UNC5D: variants seen among roughly 807,000 people sequenced by gnomAD.
UNC5D encodes netrin receptor UNC5D.
Under a neutral mutation model 105.4 loss-of-function variants are expected in UNC5D, and 39 were observed. The ratio of observed to expected loss-of-function variants is 0.37; its 90% CI spans 0.29 to 0.48. UNC5D has a LOEUF of 0.48. UNC5D is among the 20% of genes least tolerant of loss of function. The pLI is 0.98. For synonymous variants in UNC5D, 452 were observed against 450.4 expected, an observed-to-expected ratio of 1.00 and a Z score of -0.04; for missense variants, 991 against 1,202.4, an observed-to-expected ratio of 0.82 and a Z score of 2.60.
At chr8:35,723,266 C>T (rs1828679670) in intron 9 of UNC5D, among the ~76,000 whole-genome samples, 1 of 152,112 alleles carries the variant, frequency 6.6e-6, no homozygotes, top group African/African-American at 2.4e-5. Flanking sequence ...CACAGGCATG[C>T]TGGAAAAAAT....
chr8:35,673,748 T>C (rs969815348), intron 4 of UNC5D, among the ~76,000 whole-genome samples: 1 of 152,212 alleles, frequency 6.6e-6, no homozygotes, highest in Non-Finnish European at 1.5e-5. Context: ...ATCACATTGG[T>C]GTCCAATACA....
intron 1 of UNC5D, among the ~76,000 whole-genome samples, chr8:35,523,471 A>C (rs1813629039): frequency 6.6e-6 from 1 of 152,044 alleles, no homozygotes. Context: ...AATTTTCAAG[A>C]AATGGCAGAC....
chr8:35,507,820 T>A (rs1352689948), intron 1 of UNC5D, among the ~76,000 whole-genome samples: 1 of 152,200 alleles, frequency 6.6e-6, no homozygotes, highest in Non-Finnish European at 1.5e-5. Flanking sequence ...CCATTTTCTA[T>A]GATGTGATTA....
intron 4 of UNC5D, among the ~76,000 whole-genome samples, chr8:35,663,965 C>G (rs933645612): frequency 6.6e-6 from 1 of 152,126 alleles, no homozygotes; most frequent in African/African-American, 2.4e-5. Flanking sequence ...GTTGTAACCA[C>G]CAGCCAGATG....
chr8:35,297,515 G>T (rs1807583856), intron 1 of UNC5D, among the ~76,000 whole-genome samples: 1 of 152,100 alleles, frequency 6.6e-6, no homozygotes, highest in South Asian at 2.1e-4. Context: ...CCCCTTTGTA[G>T]GTTGGCTGAG....
At chr8:35,289,964 A>ATAAAAT (rs1806914177) in intron 1 of UNC5D, among the ~76,000 whole-genome samples, 1 of 152,128 alleles carries the variant, frequency 6.6e-6, no homozygotes, top group Admixed American at 6.5e-5. Flanking sequence ...AAAAATAAAA[A>ATAAAAT]TAAAAATAAA....
intron 1 of UNC5D, among the ~76,000 whole-genome samples, chr8:35,453,843 T>C (rs937834169): frequency 2.0e-5 from 3 of 152,142 alleles, no homozygotes; most frequent in Non-Finnish European, 4.4e-5. Flanking sequence ...TTCCTTTAGC[T>C]GGAGTATAAA....
intron 1 of UNC5D, among the ~76,000 whole-genome samples, chr8:35,534,270 G>C (rs931811594): frequency 1.6e-4 from 24 of 152,042 alleles, no homozygotes; most frequent in African/African-American, 5.6e-4. Context: ...AGCTTTCTCT[G>C]ACACTGTTGT....
chr8:35,597,236 G>A (rs540316859), intron 4 of UNC5D, among the ~76,000 whole-genome samples: 1 of 152,248 alleles, frequency 6.6e-6, no homozygotes, highest in East Asian at 1.9e-4. Flanking sequence ...GAAAATTAAA[G>A]TGAACACTCC....
intron 1 of UNC5D, among the ~76,000 whole-genome samples, chr8:35,411,458 G>C (rs1805161287): frequency 6.6e-6 from 1 of 151,918 alleles, no homozygotes; most frequent in South Asian, 2.1e-4. Flanking sequence ...ATTTTTTATG[G>C]GGCAGAGATT....
chr8:35,404,778 T>C lies in UNC5D; in HGVS notation c.104-144514T>C, dbSNP rs749373992. ...AATTTTTTTGTATTTTTAGTAGAGA[T>C]GGGATTTCACCACGTTGGCCAGGCT... is the stretch of plus-strand genomic sequence containing the variant. On this transcript the variant is annotated intron_variant, in intron 1 of 16. Transcript: ENST00000404895. Among the ~76,000 whole-genome samples the C allele has an allele frequency of 1.2e-4, 18 of 152,156 alleles. No individual in the cohort carries two copies. In the Middle Eastern group the frequency reaches 0.01, roughly 86 times the overall value.
chr8:35,660,234 A>T (rs1408546704), intron 4 of UNC5D, among the ~76,000 whole-genome samples: 1 of 152,240 alleles, frequency 6.6e-6, no homozygotes, highest in South Asian at 2.1e-4. Context: ...AAGGTGAAAC[A>T]TGAATCTAGA....
chr8:35,418,105 G>A (rs1324952680), intron 1 of UNC5D, among the ~76,000 whole-genome samples: 2 of 152,130 alleles, frequency 1.3e-5, no homozygotes, highest in Non-Finnish European at 2.9e-5. Context: ...TTTGAAAATA[G>A]AGATAGGGGA....
intron 2 of UNC5D, 147 bp from the exon 3 acceptor site, chr8:35,567,951 A>C (rs1817468507): frequency 8.0e-7 from 1 of 1,255,800 alleles, no homozygotes; most frequent in Admixed American, 2.3e-5. Context: ...ATTAGCAGTA[A>C]TATATTATTG....
intron 7 of UNC5D, among the ~76,000 whole-genome samples, chr8:35,700,680 T>C (rs186496051): frequency 1.8e-4 from 27 of 152,172 alleles, no homozygotes; most frequent in Non-Finnish European, 3.2e-4. Context: ...GAGTTGACGA[T>C]GGAGAGAGTT....
intron 8 of UNC5D, among the ~76,000 whole-genome samples, chr8:35,717,143 T>A (rs1449147575): frequency 6.6e-6 from 1 of 152,218 alleles, no homozygotes; most frequent in African/African-American, 2.4e-5. Flanking sequence ...ATGTTTGTTT[T>A]TCTGAAATGG....
At chr8:35,552,875 G>A (rs908434540) in intron 2 of UNC5D, among the ~76,000 whole-genome samples, 12 of 152,134 alleles carry the variant, frequency 7.9e-5, no homozygotes, top group African/African-American at 2.7e-4. Flanking sequence ...GGGCAACCAA[G>A]GGAATGACAT....
Position 35,546,404 on chromosome 8 carries a change from T to C in UNC5D, c.104-2888T>C, listed in dbSNP as rs1217857492. 2.6e-5 allele frequency among the ~76,000 whole-genome samples: 4 copies of C among 152,366 alleles called. No individual in the cohort carries two copies. In the South Asian group the frequency reaches 8.3e-4, roughly 32 times the overall value. On this transcript the variant is annotated intron_variant, in intron 1 of 16. Coordinates refer to ENST00000404895, the MANE Select transcript of UNC5D (RefSeq NM_080872.4). ...AATGGTTAAAACTTGATCTATTACA[T>C]GATCTAGTCCCTTTATTTATCTGGC...
At chr8:35,317,621 A>T (rs1809403814) in intron 1 of UNC5D, among the ~76,000 whole-genome samples, 2 of 152,108 alleles carry the variant, frequency 1.3e-5, no homozygotes, top group South Asian at 4.1e-4. Flanking sequence ...AAACATTCCT[A>T]TCGATCTGCG....
Sources: gnomAD v4.1 joint callset for allele counts (sites outside exome capture counted in the v4.1 genomes callset) on GRCh38, gnomAD v4.1.1 for gene constraint, MANE v1.5 for transcripts, NCBI Gene and HGNC (gene_info 2026-07-23, HGNC 2026-07-21) for gene names.